ANKS1B: variants seen among roughly 807,000 people sequenced by gnomAD.
The protein encoded by ANKS1B is ankyrin repeat and sterile alpha motif domain-containing protein 1B.
Under a neutral mutation model 148.3 loss-of-function variants are expected in ANKS1B, and 36 were observed. That is an observed-to-expected ratio of 0.24 (90% CI 0.19 to 0.32). The LOEUF (loss-of-function observed/expected upper bound fraction) is 0.32. Ranked by LOEUF, ANKS1B falls within the 10% of genes least tolerant of loss-of-function variation. The pLI is 1.00. For synonymous variants in ANKS1B, 542 were observed against 560.8 expected (o/e 0.97, Z 0.47); for missense variants, 1,157 against 1,542.6 (o/e 0.75, Z 4.19).
At chr12:99,414,774 A>G (rs1245280443) in intron 11 of ANKS1B, among the ~76,000 whole-genome samples, 3 of 152,226 alleles carry the variant, frequency 2.0e-5, no homozygotes, top group Admixed American at 2.0e-4. Flanking sequence ...TAGCACATGT[A>G]TACCTATGTA....
intron 12 of ANKS1B, among the ~76,000 whole-genome samples, chr12:99,299,051 A>T (rs2081267587): frequency 6.9e-6 from 1 of 145,768 alleles, no homozygotes; most frequent in African/African-American, 2.5e-5. Flanking sequence ...ATCCTATTTC[A>T]TGTTTGTTGC....
chr12:99,345,290 C>T (rs374938695), intron 12 of ANKS1B, among the ~76,000 whole-genome samples: 1 of 151,966 alleles, frequency 6.6e-6, no homozygotes, highest in African/African-American at 2.4e-5. Context: ...CTTTGCAGCC[C>T]TCTCTATGAT....
At chr12:99,757,364 T>C (rs931537498) in intron 8 of ANKS1B, among the ~76,000 whole-genome samples, 1 of 152,020 alleles carries the variant, frequency 6.6e-6, no homozygotes, top group African/African-American at 2.4e-5. Flanking sequence ...TCACTGATCA[T>C]TAGAGAAACA....
At chr12:99,420,787 C>G (rs116262312) in intron 11 of ANKS1B, among the ~76,000 whole-genome samples, 315 of 152,230 alleles carry the variant, frequency 2.1e-3, no homozygotes, top group African/African-American at 7.1e-3. Context: ...GGATTTCCCT[C>G]AAGGAAACAA....
At chr12:99,766,466 C>T (rs759157239) in intron 8 of ANKS1B, among the ~76,000 whole-genome samples, 6 of 152,072 alleles carry the variant, frequency 3.9e-5, no homozygotes, top group Non-Finnish European at 7.4e-5. Flanking sequence ...AGGGTAGGAA[C>T]AAAAACTTAC....
At chr12:99,005,363 C>A (rs1269650092) in intron 17 of ANKS1B, among the ~76,000 whole-genome samples, 3 of 152,192 alleles carry the variant, frequency 2.0e-5, no homozygotes, top group Non-Finnish European at 2.9e-5. Flanking sequence ...GCTGCTCTCA[C>A]CCAAACCTGC....
chr12:98,931,803 T>A (rs1567852904), intron 17 of ANKS1B: 1 of 152,200 alleles, frequency 6.6e-6, no homozygotes. Context: ...GTTATCTGAT[T>A]GGTTTGTCAA....
intron 14 of ANKS1B, among the ~76,000 whole-genome samples, chr12:99,169,444 A>G (rs1228879197): frequency 1.3e-5 from 2 of 152,214 alleles, no homozygotes. Context: ...GTTTTAAAAA[A>G]AAGATGAAGA....
chr12:99,652,745 A>C (rs189461013), intron 9 of ANKS1B, among the ~76,000 whole-genome samples: 1 of 152,316 alleles, frequency 6.6e-6, no homozygotes, highest in African/African-American at 2.4e-5. Context: ...ATGTGGTTTA[A>C]AAAATAGGAA....
At chr12:98,783,674 C>G (rs1226676966) in intron 22 of ANKS1B, among the ~76,000 whole-genome samples, 1 of 152,122 alleles carries the variant, frequency 6.6e-6, no homozygotes, top group Admixed American at 6.6e-5. Flanking sequence ...AGCAACAGAA[C>G]TAATACATGC....
intron 1 of ANKS1B, among the ~76,000 whole-genome samples, chr12:99,972,448 T>C (rs1171165793): frequency 6.6e-6 from 1 of 152,194 alleles, no homozygotes; most frequent in Non-Finnish European, 1.5e-5. Context: ...TGGAGAAAGT[T>C]TGAGGGGTCT....
chr12:99,014,256 A>G (rs532336596), intron 17 of ANKS1B, among the ~76,000 whole-genome samples: 10 of 152,336 alleles, frequency 6.6e-5, no homozygotes, highest in African/African-American at 2.4e-4. Flanking sequence ...AAACCTGACA[A>G]AAACAAACAA....
At chr12:99,275,433 A>G (rs1364205872) in intron 12 of ANKS1B, among the ~76,000 whole-genome samples, 3 of 152,230 alleles carry the variant, frequency 2.0e-5, no homozygotes, top group African/African-American at 7.2e-5. Context: ...ATAAGTGAGA[A>G]CATGCAAAGT....
At chr12:99,286,188 C>T (rs1028540397) in intron 12 of ANKS1B, among the ~76,000 whole-genome samples, 14 of 151,512 alleles carry the variant, frequency 9.2e-5, no homozygotes, top group Non-Finnish European at 1.5e-4. Context: ...AGGAGGACTT[C>T]GTTTTTCAAC....
intron 17 of ANKS1B, among the ~76,000 whole-genome samples, chr12:98,998,517 C>T (rs535872579): frequency 5.3e-5 from 8 of 152,212 alleles, no homozygotes; most frequent in African/African-American, 1.7e-4. Flanking sequence ...CATATTTCTT[C>T]ATTTGAAAGC....
intron 14 of ANKS1B, among the ~76,000 whole-genome samples, chr12:99,156,282 T>C (rs7958765): frequency 0.2 from 30,689 of 152,064 alleles, 3,513 homozygotes; most frequent in East Asian, 0.41. Flanking sequence ...GCCACCTACA[T>C]TGATTTTGTT....
At chr12:99,078,063 C>T (rs1486954159) in intron 16 of ANKS1B, among the ~76,000 whole-genome samples, 6 of 152,182 alleles carry the variant, frequency 3.9e-5, no homozygotes, top group Admixed American at 3.9e-4. Context: ...CAGTGTGCCA[C>T]AGTTTCCACC....
At chr12:99,100,740 C>T (rs186204261) in intron 15 of ANKS1B, among the ~76,000 whole-genome samples, 25 of 152,232 alleles carry the variant, frequency 1.6e-4, no homozygotes, top group Admixed American at 3.9e-4. Context: ...ATGTTGGCCA[C>T]GCTGGTCTCA....
intron 12 of ANKS1B, among the ~76,000 whole-genome samples, chr12:99,266,793 A>G (rs1450509283): frequency 2.0e-5 from 3 of 152,212 alleles, no homozygotes; most frequent in Non-Finnish European, 4.4e-5. Context: ...CCCTAAAACC[A>G]TATGAGTCCT....
Sources: allele counts gnomAD v4.1 joint callset (sites outside exome capture counted in the v4.1 genomes callset), GRCh38; gene constraint gnomAD v4.1.1; transcripts MANE v1.5; gene names NCBI Gene and HGNC (gene_info 2026-07-23, HGNC 2026-07-21).